The following BABAM2 variants were observed in gnomAD, a reference collection of about 807,000 sequenced individuals.
The protein encoded by BABAM2 is BRISC and BRCA1-A complex member 2.
BABAM2 carries 31 observed loss-of-function variants against 54.7 expected under a neutral mutation model. That is an observed-to-expected ratio of 0.57 (90% CI 0.43 to 0.77). The LOEUF (loss-of-function observed/expected upper bound fraction) is 0.77, where lower values mean the gene tolerates loss of function less well. Among genes scored for constraint, BABAM2 ranks in the 30% least tolerant of loss-of-function variants. BABAM2 has a pLI of 0.00. For synonymous variants in BABAM2, 167 were observed against 162.9 expected (o/e 1.03, Z -0.19); for missense variants, 364 against 455.8 (o/e 0.80, Z 1.83).
intron 3 of BABAM2, among the ~76,000 whole-genome samples, chr2:27,982,781 T>C (rs1272898891): frequency 6.6e-6 from 1 of 151,970 alleles, no homozygotes; most frequent in Admixed American, 6.6e-5. Context: ...TCAATATTCA[T>C]TCATGTTGTA....
chr2:28,141,073 A>G (rs993516744), intron 7 of BABAM2, among the ~76,000 whole-genome samples: 1 of 152,140 alleles, frequency 6.6e-6, no homozygotes, highest in African/African-American at 2.4e-5. Flanking sequence ...CTCTACCCTC[A>G]TGACCTTATC....
chr2:28,132,130 TTTC>T (rs953517635), intron 7 of BABAM2, among the ~76,000 whole-genome samples: 7 of 149,920 alleles, frequency 4.7e-5, no homozygotes, highest in Non-Finnish European at 5.9e-5. Flanking sequence ...CTTTTTTTTC[TTTC>T]TTCTTCTTCT....
intron 6 of BABAM2, among the ~76,000 whole-genome samples, chr2:28,076,600 A>G (rs1298520899): frequency 6.6e-6 from 1 of 151,906 alleles, no homozygotes; most frequent in Non-Finnish European, 1.5e-5. Flanking sequence ...GGTTCGTGCC[A>G]TTCTCCTGCC....
chr2:28,163,842 G>A (rs971302801), intron 7 of BABAM2, among the ~76,000 whole-genome samples: 2 of 152,172 alleles, frequency 1.3e-5, no homozygotes, highest in Non-Finnish European at 2.9e-5. Flanking sequence ...TGAGAATTGA[G>A]GCCATCCACC....
rs550411917 is a variant in BABAM2, at chr2:27,946,756, T to C, written c.205+16848T>C. ...GAGCGAGAGGGAAGGTTTTTAACTATAAATGCAATTTCTTTAACAGATATA... is the reference window on the plus strand; with the variant it reads ...GAGCGAGAGGGAAGGTTTTTAACTACAAATGCAATTTCTTTAACAGATATA... On this transcript the variant is annotated intron_variant, in intron 3 of 11. Transcript: ENST00000379624. Among the ~76,000 whole-genome samples the C allele has an allele frequency of 3.3e-5, 5 of 152,288 alleles. No homozygotes were observed. In the East Asian group the frequency reaches 9.6e-4, roughly 29 times the overall value.
chr2:28,213,463 T>C (rs774178909), intron 7 of BABAM2, among the ~76,000 whole-genome samples: 1 of 152,064 alleles, frequency 6.6e-6, no homozygotes, highest in Non-Finnish European at 1.5e-5. Context: ...ATGAGTAACA[T>C]AGAGCATTTA....
chr2:27,925,113 C>T (rs983993523), intron 2 of BABAM2, among the ~76,000 whole-genome samples: 3 of 152,178 alleles, frequency 2.0e-5, no homozygotes, highest in African/African-American at 7.2e-5. Context: ...AAGTATTACT[C>T]TTCATACCCC....
rs535848822 is a variant in BABAM2, at chr2:28,054,644, A to G, written c.570+8845A>G. On this transcript the variant is annotated intron_variant, in intron 6 of 11. Transcript: ENST00000379624. ...ACACAGTGAGAAGGCACCATCTGTG[A>G]ACTAGGAAACAGGCCCTCACCAGAC... Among the ~76,000 whole-genome samples the G allele has an allele frequency of 1.4e-4, 21 of 152,352 alleles. No homozygotes were observed. In the South Asian group the frequency reaches 4.1e-3, roughly 30 times the overall value.
chr2:28,046,402 G>T (rs1233505206), intron 6 of BABAM2, among the ~76,000 whole-genome samples: 1 of 152,184 alleles, frequency 6.6e-6, no homozygotes, highest in Non-Finnish European at 1.5e-5. Context: ...AGAGGTTGCA[G>T]TGACCCAAGA....
chr2:28,214,602 T>C (rs996051609), intron 7 of BABAM2, among the ~76,000 whole-genome samples: 3 of 152,174 alleles, frequency 2.0e-5, no homozygotes, highest in Non-Finnish European at 4.4e-5. Context: ...TTGCATTGGC[T>C]AGGACTTCCA....
At chr2:28,109,483 C>T (rs1308242351) in intron 6 of BABAM2, among the ~76,000 whole-genome samples, 1 of 152,142 alleles carries the variant, frequency 6.6e-6, no homozygotes, top group East Asian at 1.9e-4. Flanking sequence ...CCACCGCACC[C>T]TGCCAAGACA....
intron 11 of BABAM2, among the ~76,000 whole-genome samples, chr2:28,300,658 T>C (rs945601782): frequency 5.9e-5 from 9 of 152,324 alleles, no homozygotes; most frequent in African/African-American, 2.2e-4. Context: ...TGTGTGTGTT[T>C]CCTAAGTAGA....
chr2:28,149,570 T>C (rs1020866326), intron 7 of BABAM2, among the ~76,000 whole-genome samples: 1 of 152,210 alleles, frequency 6.6e-6, no homozygotes, highest in Non-Finnish European at 1.5e-5. Flanking sequence ...AACTTTCACA[T>C]CCACTGGCAG....
intron 2 of BABAM2, among the ~76,000 whole-genome samples, chr2:27,908,356 C>T (rs745979624): frequency 1.3e-5 from 2 of 152,088 alleles, no homozygotes; most frequent in Admixed American, 6.6e-5. Flanking sequence ...ACTGCAGCCT[C>T]AACCTCCTGG....
chr2:28,070,918 TGAGCAA>T (rs1318065951), intron 6 of BABAM2, among the ~76,000 whole-genome samples: 1 of 152,200 alleles, frequency 6.6e-6, no homozygotes, highest in Non-Finnish European at 1.5e-5. Flanking sequence ...GTTAAGAGCC[TGAGCAA>T]GAGCTCAAGC....
chr2:27,929,828 A>G lies in BABAM2; in HGVS notation c.129-4A>G, dbSNP rs1461413903. ...TCTTTCTTCTGTTTCTGCATTTTTT[A>G]AAGCTGCACATCATTGACTCCTGGG... On this transcript the variant is annotated splice_region_variant and splice_polypyrimidine_tract_variant and intron_variant, in intron 2 of 11. Transcript: ENST00000379624. 6.2e-7 allele frequency: 1 copy of G among 1,612,402 alleles called. No homozygotes were observed. Among genetic ancestry groups the G allele is most frequent in the Non-Finnish European group, 8.5e-7 (1 of 1,179,036 alleles).
chr2:28,175,647 C>A (rs563730253), intron 7 of BABAM2, among the ~76,000 whole-genome samples: 1 of 152,344 alleles, frequency 6.6e-6, no homozygotes, highest in East Asian at 1.9e-4. Context: ...TGGGGAGCCT[C>A]AGGGTTGTCC....
intron 10 of BABAM2, among the ~76,000 whole-genome samples, chr2:28,267,897 A>G (rs1685117142): frequency 6.6e-6 from 1 of 152,384 alleles, no homozygotes; most frequent in Admixed American, 6.5e-5. Flanking sequence ...CTCTAGTTGT[A>G]GTTGAAACTA....
chr2:28,333,162 C>T (rs1691114357), intron 11 of BABAM2, among the ~76,000 whole-genome samples: 1 of 152,024 alleles, frequency 6.6e-6, no homozygotes, highest in African/African-American at 2.4e-5. Context: ...AAGCGCTTAC[C>T]CAGACCATCT....
Sources: gnomAD v4.1 joint callset for allele counts (sites outside exome capture counted in the v4.1 genomes callset) on GRCh38, gnomAD v4.1.1 for gene constraint, MANE v1.5 for transcripts, NCBI Gene and HGNC (gene_info 2026-07-23, HGNC 2026-07-21) for gene names.